Variants in BFSP1 observed in about 807,000 individuals in gnomAD.
BFSP1 encodes filensin.
A neutral mutation model predicts 43.9 loss-of-function variants in BFSP1; 38 were observed. The observed-to-expected ratio is 0.87, with a 90% CI of 0.67 to 1.14. The LOEUF is 1.14. BFSP1 is among the 50% of genes most tolerant of loss of function. The pLI is 0.00. For synonymous variants in BFSP1, 352 were observed against 354.8 expected, an observed-to-expected ratio of 0.99 and a Z score of 0.09; for missense variants, 850 against 875.1, an observed-to-expected ratio of 0.97 and a Z score of 0.36.
At chr20:17,539,341 G>A (rs75674433) in intron 1 of BFSP1, among the ~76,000 whole-genome samples, 4,779 of 151,620 alleles carry the variant, frequency 0.032, 98 homozygotes, top group South Asian at 0.058. Context: ...CGAATTCCTG[G>A]CCTCAAGTGA....
upstream of BFSP1, chr20:17,562,991 G>A (rs898250531): frequency 3.3e-5 from 5 of 152,214 alleles, no homozygotes; most frequent in South Asian, 8.3e-4. Context: ...CTCTTGTTCA[G>A]CCTCACTCAC....
intron 2 of BFSP1, chr20:17,516,954 C>T: frequency 1.3e-6 from 1 of 745,490 alleles, no homozygotes; most frequent in Non-Finnish European, 2.4e-6. Context: ...AAGAATTCCT[C>T]CTGATCAGTA....
At chr20:17,510,115 C>T (rs938716593) in intron 4 of BFSP1, among the ~76,000 whole-genome samples, 3 of 152,226 alleles carry the variant, frequency 2.0e-5, no homozygotes, top group Non-Finnish European at 4.4e-5. Flanking sequence ...AGATGTGACA[C>T]TTTCTCAATC....
chr20:17,553,862 C>CTT (rs2034945475), intron 1 of BFSP1, among the ~76,000 whole-genome samples: 1 of 92,772 alleles, frequency 1.1e-5, no homozygotes, highest in African/African-American at 4.7e-5. Context: ...TATATATACA[C>CTT]ATATATATAC....
Position 17,502,012 on chromosome 20 carries a change from C to T in BFSP1, c.736-2972G>A, listed in dbSNP as rs1210973862. Among the ~76,000 whole-genome samples the T allele has an allele frequency of 4.6e-5, 7 of 151,952 alleles. No homozygotes were observed. The South Asian group carries it at 8.3e-4, about 18-fold the overall frequency. Reference sequence around the variant, plus strand: ...ATTTGGAGAGGAAAAGAAATGAAGCCGAAAGGCAAAGACAAACAGAAATTA... The same window carrying T: ...ATTTGGAGAGGAAAAGAAATGAAGCTGAAAGGCAAAGACAAACAGAAATTA... On this transcript the variant is annotated intron_variant, in intron 5 of 7. Coordinates refer to ENST00000377873, the MANE Select transcript of BFSP1 (RefSeq NM_001195.5).
Position 17,507,867 on chromosome 20 carries a change from CCT to C in BFSP1, c.735+1020_735+1021del, listed in dbSNP as rs1183980809. On this transcript the variant is annotated intron_variant, in intron 5 of 7. Coordinates refer to ENST00000377873, the MANE Select transcript of BFSP1 (RefSeq NM_001195.5). This position sits in a 1 kb window ranked among gnomAD's most constrained non-coding sequence, Gnocchi z 4.4. ...GACCCGGGTTTGCTTTCCAGCAGCC[CCT>C]GAGAGCTGCTGCACTGTGAGTTTTG... Among the ~76,000 whole-genome samples, 3 of 152,048 alleles carry C rather than the reference CCT, an allele frequency of 2.0e-5. No individual in the cohort carries two copies. The highest frequency in any genetic ancestry group is 4.4e-5 in the Non-Finnish European group (3 of 68,022).
rs781251719 is a variant in BFSP1 at position 17,494,340 on chromosome 20, G to C, written c.1732C>G (p.Pro578Ala). The change falls in exon 8 of 8, where the codon CCC becomes GCC. Residue 578 changes from proline to alanine, a missense_variant. Physicochemically the swap from Pro to Ala is conservative, Grantham distance 27 (BLOSUM62 -1). Transcript: ENST00000377873. ...ESRRPCAMVT[P>A]GAEEPSIPEP... ...GGTATAGATGGTTCCTCTGCACCGG[G>C]TGTGACCATGGCACAGGGTCTCCTG... is the stretch of plus-strand genomic sequence containing the variant. 6 of 1,614,102 alleles carry C rather than the reference G, an allele frequency of 3.7e-6. No homozygotes were observed. In the South Asian group the frequency reaches 6.6e-5, roughly 18 times the overall value.
At chr20:17,534,474 G>A (rs2034596643), upstream of BFSP1, among the ~76,000 whole-genome samples, 1 of 152,162 alleles carries the variant, frequency 6.6e-6, no homozygotes, top group Non-Finnish European at 1.5e-5. Context: ...AATATAGCAA[G>A]CACCATCTTT....
rs762932176 is a variant in BFSP1, at chr20:17,514,766, T to C, written c.489A>G (p.Gln163=). The change falls in exon 3 of 8, where the codon CAA becomes CAG. Residue 163 remains glutamine (Q), a synonymous_variant. Coordinates refer to ENST00000377873, the MANE Select transcript of BFSP1 (RefSeq NM_001195.5). The part of the protein sequence containing the change: ...LHNLRLQLEA[Q]FLQDDISAAK... Reference sequence around the variant, plus strand: ...CCGCACTGATATCATCTTGCAGAAATTGGGCTTCCAGCTGAAGGCGTAGGT... The same window carrying C: ...CCGCACTGATATCATCTTGCAGAAACTGGGCTTCCAGCTGAAGGCGTAGGT... 21 of 1,613,882 alleles carry C rather than the reference T, an allele frequency of 1.3e-5. No homozygotes were observed. Among genetic ancestry groups the C allele is most frequent in the Non-Finnish European group, 1.7e-5 (20 of 1,179,952 alleles).
intron 5 of BFSP1, among the ~76,000 whole-genome samples, chr20:17,500,508 G>A (rs1474937013): frequency 6.6e-6 from 1 of 152,156 alleles, no homozygotes; most frequent in African/African-American, 2.4e-5. Flanking sequence ...AACAGACTGT[G>A]CTGCCAGTTG....
At chr20:17,516,077 C>T (rs933425018) in intron 2 of BFSP1, among the ~76,000 whole-genome samples, 2 of 152,094 alleles carry the variant, frequency 1.3e-5, no homozygotes, top group Non-Finnish European at 2.9e-5. Context: ...ACCTGTAGTC[C>T]CAGCACTTTG....
intron 1 of BFSP1, among the ~76,000 whole-genome samples, chr20:17,528,677 TC>T (rs2034471130): frequency 6.6e-6 from 1 of 152,196 alleles, no homozygotes; most frequent in Non-Finnish European, 1.5e-5. Flanking sequence ...AGGCTCAGTT[TC>T]CCCATGAAGT....
At chr20:17,562,526 CAAAAAA>C (rs550158623), upstream of BFSP1, among the ~76,000 whole-genome samples, 6 of 48,018 alleles carry the variant, frequency 1.2e-4, no homozygotes, top group African/African-American at 2.0e-4. Flanking sequence ...GACTCTGTCT[CAAAAAA>C]AAAAAAAAAA....
At chr20:17,542,831 T>G (rs1218100701) in intron 1 of BFSP1, among the ~76,000 whole-genome samples, 2 of 152,262 alleles carry the variant, frequency 1.3e-5, no homozygotes, top group African/African-American at 2.4e-5. Flanking sequence ...TGTTTTCATT[T>G]CTAGTTGGCT....
intron 1 of BFSP1, chr20:17,558,617 G>C (rs981785854): frequency 2.0e-6 from 3 of 1,488,018 alleles, no homozygotes; most frequent in Middle Eastern, 1.7e-4. Flanking sequence ...TTCTTTCCTA[G>C]AGTTCTTTAA....
In BFSP1 at chr20:17,494,494, C is replaced by T. The variant is rs1211253754; in HGVS notation, c.1578G>A (p.Val526=). Residue 526 remains valine, a synonymous_variant, in exon 8 of 8, where the codon GTG becomes GTA. Transcript: ENST00000377873. ...GTCCATCTTCTTTCTCCTGCAGACC[C>T]ACCTGCCCATTCTCTAAAGGGGGCT... The part of the protein sequence containing the change: ...SPKPPLENGQ[V]GLQEKEDGQP... 8.1e-6 allele frequency: 13 copies of T among 1,614,232 alleles called. No individual in the cohort carries two copies. The highest frequency in any genetic ancestry group is 1.0e-5 in the Non-Finnish European group (12 of 1,180,038).
intron 2 of BFSP1, among the ~76,000 whole-genome samples, chr20:17,517,570 C>A (rs1398717236): frequency 6.6e-6 from 1 of 152,162 alleles, no homozygotes; most frequent in African/African-American, 2.4e-5. Context: ...AGGTGTGAGC[C>A]ACCGTGCCTG....
chr20:17,558,681 CA>C, intron 1 of BFSP1: 1 of 1,551,748 alleles, frequency 6.4e-7, no homozygotes, highest in South Asian at 1.2e-5. Context: ...TTTATCAGAA[CA>C]CTTACATACT....
At chr20:17,497,596 G>GTA (rs761909027) in intron 6 of BFSP1, among the ~76,000 whole-genome samples, 3 of 82,926 alleles carry the variant, frequency 3.6e-5, no homozygotes, top group South Asian at 4.0e-4. Context: ...ATATATACGT[G>GTA]TATATATATA....
Sources: gnomAD v4.1 joint callset for allele counts (sites outside exome capture counted in the v4.1 genomes callset) on GRCh38, gnomAD v4.1.1 for gene constraint, Gnocchi (gnomAD v3.1) non-coding constraint, MANE v1.5 for transcripts, NCBI Gene and HGNC (gene_info 2026-07-23, HGNC 2026-07-21) for gene names.